Variants in MMRN1 observed in about 807,000 individuals in gnomAD.
MMRN1 encodes the protein multimerin-1.
In MMRN1, 94 loss-of-function variants were observed where a neutral mutation model predicts 100.7. The ratio of observed to expected loss-of-function variants is 0.93; its 90% CI spans 0.79 to 1.11. The LOEUF is 1.11. MMRN1 is among the 50% of genes least tolerant of loss of function. The pLI is 0.00. For synonymous variants in MMRN1, 575 were observed against 505.0 expected, an observed-to-expected ratio of 1.14 and a Z score of -1.86; for missense variants, 1,606 against 1,439.1, an observed-to-expected ratio of 1.12 and a Z score of -1.88.
upstream of MMRN1, among the ~76,000 whole-genome samples, chr4:89,894,450 A>T (rs752708544): frequency 2.6e-5 from 4 of 152,192 alleles, no homozygotes; most frequent in Non-Finnish European, 4.4e-5. Flanking sequence ...ATGCATGTGG[A>T]TATACACTTG....
At chr4:89,947,536 C>G (rs1375168830) in intron 6 of MMRN1, among the ~76,000 whole-genome samples, 1 of 152,086 alleles carries the variant, frequency 6.6e-6, no homozygotes, top group Non-Finnish European at 1.5e-5. Context: ...GATCCCTGAC[C>G]TCATGAAAGC....
chr4:89,929,806 C>G (rs1458606453), intron 5 of MMRN1, among the ~76,000 whole-genome samples: 1 of 152,140 alleles, frequency 6.6e-6, no homozygotes, highest in Non-Finnish European at 1.5e-5. Flanking sequence ...CTAAACCCAC[C>G]TCCAAGGTGC....
intron 1 of MMRN1, among the ~76,000 whole-genome samples, chr4:89,883,227 AC>A (rs1720860400): frequency 1.3e-5 from 2 of 152,012 alleles, no homozygotes; most frequent in Non-Finnish European, 1.5e-5. Context: ...CTTTTTGTAG[AC>A]ACATTTTTTA....
chr4:89,932,204 C>T (rs978560318), intron 5 of MMRN1, among the ~76,000 whole-genome samples: 5 of 152,128 alleles, frequency 3.3e-5, no homozygotes, highest in East Asian at 1.9e-4. Flanking sequence ...ATTAAAGCTC[C>T]GAAGTGATCT....
At chr4:89,898,735 G>A (rs1414941851) in intron 1 of MMRN1, among the ~76,000 whole-genome samples, 2 of 151,984 alleles carry the variant, frequency 1.3e-5, no homozygotes, top group African/African-American at 4.8e-5. Context: ...GCCCTCTTTT[G>A]CCATCGTTCT....
chr4:89,908,120 C>T (rs1417337380), intron 1 of MMRN1, among the ~76,000 whole-genome samples: 2 of 151,270 alleles, frequency 1.3e-5, no homozygotes, highest in Non-Finnish European at 3.0e-5. Flanking sequence ...ATTTTCTTTA[C>T]TTGGTGTCTT....
chr4:89,912,708 T>C (rs573822854), intron 3 of MMRN1, among the ~76,000 whole-genome samples: 1 of 151,336 alleles, frequency 6.6e-6, no homozygotes, highest in South Asian at 2.1e-4. Context: ...ATATTTTAAA[T>C]GAATGAATAT....
upstream of MMRN1, among the ~76,000 whole-genome samples, chr4:89,893,856 T>A (rs1381353613): frequency 1.3e-5 from 2 of 152,104 alleles, no homozygotes; most frequent in African/African-American, 4.8e-5. Context: ...TTAAACAGAC[T>A]GATATGAAAT....
At chr4:89,938,144 A>G (rs2110639422) in intron 6 of MMRN1, among the ~76,000 whole-genome samples, 1 of 152,038 alleles carries the variant, frequency 6.6e-6, no homozygotes, top group South Asian at 2.1e-4. Flanking sequence ...ATGTTTTGAT[A>G]ATATTAAAAA....
intron 3 of MMRN1, among the ~76,000 whole-genome samples, chr4:89,915,573 A>T (rs1721885959): frequency 6.6e-6 from 1 of 151,418 alleles, no homozygotes; most frequent in Admixed American, 6.6e-5. Context: ...AAAACAAAAA[A>T]AACTTGCAAA....
At chr4:89,897,768 TGGG>T (rs1721255184) in intron 1 of MMRN1, among the ~76,000 whole-genome samples, 1 of 152,214 alleles carries the variant, frequency 6.6e-6, no homozygotes. Flanking sequence ...TGCTAGGCTT[TGGG>T]TTACACAGAA....
chr4:89,906,529 C>T (rs1184346781), intron 1 of MMRN1, among the ~76,000 whole-genome samples: 1 of 151,528 alleles, frequency 6.6e-6, no homozygotes, highest in Non-Finnish European at 1.5e-5. Flanking sequence ...TAACTGCTCT[C>T]CATCCACCAT....
chr4:89,929,536 C>T (rs1722371584), intron 5 of MMRN1, among the ~76,000 whole-genome samples: 1 of 152,078 alleles, frequency 6.6e-6, no homozygotes, highest in Admixed American at 6.6e-5. Context: ...TTGACTATAA[C>T]CATCTGAATG....
At chr4:89,930,013 C>G (rs749117072) in intron 5 of MMRN1, among the ~76,000 whole-genome samples, 3 of 152,084 alleles carry the variant, frequency 2.0e-5, no homozygotes, top group Non-Finnish European at 4.4e-5. Context: ...AAGGTGAATG[C>G]TAAGGTATCT....
intron 6 of MMRN1, among the ~76,000 whole-genome samples, chr4:89,948,200 T>C (rs1475494332): frequency 6.6e-6 from 1 of 152,186 alleles, no homozygotes; most frequent in African/African-American, 2.4e-5. Context: ...ATAGCTTCAG[T>C]TGGAAAATCA....
upstream of MMRN1, among the ~76,000 whole-genome samples, chr4:89,893,061 A>G (rs1277557850): frequency 1.3e-5 from 2 of 152,202 alleles, no homozygotes; most frequent in East Asian, 1.9e-4. Context: ...TGTTTTCCAG[A>G]TAAAGACACT....
At chr4:89,941,116 C>G (rs760053821) in intron 6 of MMRN1, among the ~76,000 whole-genome samples, 1 of 152,136 alleles carries the variant, frequency 6.6e-6, no homozygotes, top group East Asian at 1.9e-4. Context: ...TCAAATATAC[C>G]TCAAGATAAC....
At chr4:89,906,387 G>T (rs1246052545) in intron 1 of MMRN1, among the ~76,000 whole-genome samples, 2 of 151,402 alleles carry the variant, frequency 1.3e-5, no homozygotes, top group African/African-American at 4.8e-5. Context: ...AAAATCCAAA[G>T]AATCAATACA....
chr4:89,895,642 A>G (rs1440774775), intron 1 of MMRN1, 48 bp downstream of exon 1: 4 of 1,509,560 alleles, frequency 2.6e-6, no homozygotes, highest in Non-Finnish European at 3.5e-6. Context: ...TATCAGGTCT[A>G]GAAGATTGCA....
Sources: allele counts gnomAD v4.1 joint callset (sites outside exome capture counted in the v4.1 genomes callset), GRCh38; gene constraint gnomAD v4.1.1; transcripts MANE v1.5; gene names NCBI Gene and HGNC (gene_info 2026-07-23, HGNC 2026-07-21).